ANKRD30B: variants seen among roughly 807,000 people sequenced by gnomAD.
ANKRD30B encodes ankyrin repeat domain 30B.
A neutral mutation model predicts 202.2 loss-of-function variants in ANKRD30B; 144 were observed. The observed-to-expected ratio is 0.71, with a 90% CI of 0.62 to 0.82. The LOEUF (loss-of-function observed/expected upper bound fraction) is 0.82. Among genes scored for constraint, ANKRD30B ranks in the 40% least tolerant of loss-of-function variants. The pLI is 0.00. For synonymous variants in ANKRD30B, 508 were observed against 561.3 expected, an observed-to-expected ratio of 0.91 and a Z score of 1.34; for missense variants, 1,487 against 1,669.1, an observed-to-expected ratio of 0.89 and a Z score of 1.90.
chr18:14,811,344 T>C (rs1185890965), intron 28 of ANKRD30B, among the ~76,000 whole-genome samples: 1 of 151,114 alleles, frequency 6.6e-6, no homozygotes, highest in Non-Finnish European at 1.5e-5. Flanking sequence ...CCCAAGTAGC[T>C]GGGAATCCAG....
At chr18:14,828,544 G>C (rs539419482) in intron 33 of ANKRD30B, among the ~76,000 whole-genome samples, 25 of 152,244 alleles carry the variant, frequency 1.6e-4, no homozygotes, top group Middle Eastern at 3.4e-3. Context: ...TGATGTCATA[G>C]CTAAAAAGTA....
the ANKRD30B span, among the ~76,000 whole-genome samples, chr18:14,884,860 A>T: frequency 6.6e-6 from 1 of 152,112 alleles, no homozygotes; most frequent in Non-Finnish European, 1.5e-5. Flanking sequence ...GATAGGTGGG[A>T]GTATATGTGT....
At chr18:14,892,060 A>T in the ANKRD30B span, among the ~76,000 whole-genome samples, 74 of 152,234 alleles carry the variant, frequency 4.9e-4, no homozygotes, top group Non-Finnish European at 9.6e-4. Flanking sequence ...AGACAAATGG[A>T]GTAGTTGGTT....
At chr18:14,837,781 T>C (rs1411094670) in intron 36 of ANKRD30B, 105 bp downstream of exon 36, 20 of 1,259,232 alleles carry the variant, frequency 1.6e-5, no homozygotes, top group Non-Finnish European at 2.2e-5. Flanking sequence ...ATTATGTCCA[T>C]AAGGCGGGTG....
chr18:14,821,184 G>T (rs1970401523), intron 30 of ANKRD30B, among the ~76,000 whole-genome samples: 1 of 152,098 alleles, frequency 6.6e-6, no homozygotes, highest in African/African-American at 2.4e-5. Flanking sequence ...ATGGTAGTTT[G>T]TATTTCTGTG....
At position 14,772,228 on chromosome 18, in the gene ANKRD30B, G is replaced by C; in HGVS notation, c.1329G>C (p.Lys443Asn). 1 of 1,488,006 alleles carries C rather than the reference G, an allele frequency of 6.7e-7. No homozygotes were observed. The highest frequency in any genetic ancestry group is 9.0e-7 in the Non-Finnish European group (1 of 1,109,556). The allele number at this position is 1,488,006 out of a possible 1,614,324, so 92.2% of individuals were successfully genotyped here. A position where few individuals can be genotyped will look rare whatever the true frequency, so the allele number is the denominator to read the frequency against. ...KVEEDFNLAT[K>N]IISKSAAQNY... Reference sequence around the variant, plus strand: ...AGGAAGACTTTAATCTTGCTACCAAGGTAAAATGTTCTTTTGTGAAGTTGA... The same window carrying C: ...AGGAAGACTTTAATCTTGCTACCAACGTAAAATGTTCTTTTGTGAAGTTGA... The change falls in exon 9 of 44, where the codon AAG becomes AAC. Residue 443 changes from lysine to asparagine, a missense_variant and splice_region_variant. Around this residue, in one of 6 missense-constraint regions of ANKRD30B, gnomAD observed 889 missense variants for 841.4 expected, o/e 1.06. Transcript: ENST00000690538.
At chr18:14,799,336 A>T in intron 22 of ANKRD30B, 41 bp downstream of exon 22, 1 of 1,459,824 alleles carries the variant, frequency 6.9e-7, no homozygotes, top group Non-Finnish European at 9.2e-7. Flanking sequence ...AATTAAGAAT[A>T]TTAAACTATT....
intron 8 of ANKRD30B, among the ~76,000 whole-genome samples, chr18:14,771,209 T>G (rs551735680): frequency 1.1e-4 from 17 of 152,186 alleles, no homozygotes; most frequent in Non-Finnish European, 2.4e-4. Flanking sequence ...TGTGCTTTGA[T>G]GAGCTGAATA....
At chr18:14,800,305 T>G (rs927124377) in intron 22 of ANKRD30B, among the ~76,000 whole-genome samples, 1 of 150,144 alleles carries the variant, frequency 6.7e-6, no homozygotes, top group African/African-American at 2.5e-5. Context: ...CGTCTTAAAT[T>G]TTCTTTTTTT....
At chr18:14,808,818 T>A (rs1169593729) in intron 26 of ANKRD30B, 74 bp downstream of exon 26, 2 of 1,330,052 alleles carry the variant, frequency 1.5e-6, no homozygotes, top group Non-Finnish European at 1.0e-6. Flanking sequence ...AGCCTTTTAT[T>A]CCCAATGTTG....
At chr18:14,797,590 C>A (rs1190838459) in intron 18 of ANKRD30B, 71 bp from the exon 19 acceptor site, 2 of 1,464,790 alleles carry the variant, frequency 1.4e-6, no homozygotes, top group Non-Finnish European at 1.9e-6. Flanking sequence ...TTCATATTCA[C>A]ACTGTATGAA....
chr18:14,792,328 G>A (rs1367709171), intron 16 of ANKRD30B, among the ~76,000 whole-genome samples: 2 of 152,074 alleles, frequency 1.3e-5, no homozygotes, highest in African/African-American at 4.8e-5. Flanking sequence ...TCAGGAGAAA[G>A]CATTATGGTG....
intron 15 of ANKRD30B, among the ~76,000 whole-genome samples, chr18:14,791,108 G>A (rs1251502171): frequency 6.6e-6 from 1 of 152,078 alleles, no homozygotes; most frequent in Non-Finnish European, 1.5e-5. Flanking sequence ...CTTATTCCTG[G>A]TTTAGTCTTG....
rs1338995005 is a variant in ANKRD30B, at chr18:14,851,976, C to G, written c.4032C>G (p.Asn1344Lys). 1 of 1,600,138 alleles carries G rather than the reference C, an allele frequency of 6.2e-7. No homozygotes were observed. The highest frequency in any genetic ancestry group is 8.5e-7 in the Non-Finnish European group (1 of 1,172,176). ...MNVDVSNTIY[N>K]NEVLHQPLYE... is the part of the protein sequence containing the mutation. ...TTGATGTGAGTAATACAATATATAA[C>G]AATGAGGTGCTCCATCAACCACTTT... Residue 1344 changes from asparagine (N) to lysine (K), a missense_variant, in exon 42 of 44, where the codon AAC becomes AAG. Coordinates refer to ENST00000690538, the MANE Select transcript of ANKRD30B (RefSeq NM_001367607.2).
chr18:14,789,956 C>T (rs139479580), intron 15 of ANKRD30B, among the ~76,000 whole-genome samples: 1,759 of 152,290 alleles, frequency 0.012, 40 homozygotes, highest in African/African-American at 0.04. Context: ...ATGGGGATGG[C>T]ACTGAATCTA....
At chr18:14,892,985 G>A in the ANKRD30B span, among the ~76,000 whole-genome samples, 2 of 151,896 alleles carry the variant, frequency 1.3e-5, no homozygotes, top group Non-Finnish European at 2.9e-5. Flanking sequence ...CCACATATTA[G>A]GGTTAAGGAT....
chr18:14,863,968 A>C, the ANKRD30B span, among the ~76,000 whole-genome samples: 2,417 of 151,952 alleles, frequency 0.016, 50 homozygotes, highest in African/African-American at 0.056. Context: ...AAATCAATAA[A>C]TGTGATTTAC....
the ANKRD30B span, among the ~76,000 whole-genome samples, chr18:14,896,199 T>C: frequency 1.3e-5 from 2 of 151,692 alleles, no homozygotes; most frequent in South Asian, 2.1e-4. Context: ...TGGCGTGATC[T>C]CGGTTCACTG....
downstream of ANKRD30B, among the ~76,000 whole-genome samples, chr18:14,858,910 C>G (rs370773809): frequency 1.4e-5 from 1 of 71,254 alleles, no homozygotes; most frequent in East Asian, 4.0e-4. Flanking sequence ...ACTTCCCAGA[C>G]GGGGCGGCTG....
Sources: gnomAD v4.1 joint callset for allele counts (sites outside exome capture counted in the v4.1 genomes callset) on GRCh38, gnomAD v4.1.1 for gene constraint, gnomAD v4.1.1 regional missense constraint, MANE v1.5 for transcripts, NCBI Gene and HGNC (gene_info 2026-07-23, HGNC 2026-07-21) for gene names.